KIF1B: variants seen among roughly 807,000 people sequenced by gnomAD.
The protein encoded by KIF1B is kinesin-like protein KIF1B.
In KIF1B, 76 loss-of-function variants were observed where a neutral mutation model predicts 241.9. The observed-to-expected ratio is 0.31, with a 90% CI of 0.26 to 0.38. The LOEUF (loss-of-function observed/expected upper bound fraction) is 0.38, where lower values mean the gene tolerates loss of function less well. Among genes scored for constraint, KIF1B ranks in the 10% least tolerant of loss-of-function variants. The pLI, the probability that KIF1B is intolerant of heterozygous loss-of-function variation, is 1.00. For synonymous variants in KIF1B, 750 were observed against 796.7 expected (o/e 0.94, Z 0.99); for missense variants, 1,622 against 2,271.4 (o/e 0.71, Z 5.81).
chr1:10,375,351 C>A lies in KIF1B; in HGVS notation c.5386C>A (p.Pro1796Thr). 2 of 1,613,580 alleles carry A rather than the reference C, an allele frequency of 1.2e-6. No homozygotes were observed. The highest frequency in any genetic ancestry group is 1.7e-6 in the Non-Finnish European group (2 of 1,179,638). ...DMNDWLYAFNPLLAGTIRSKL... is the reference protein window; with the variant it reads ...DMNDWLYAFNTLLAGTIRSKL... ...GAACGACTGGTTGTATGCCTTCAACCCACTTCTAGCTGGCACAATACGGTA... is the reference window on the plus strand; with the variant it reads ...GAACGACTGGTTGTATGCCTTCAACACACTTCTAGCTGGCACAATACGGTA... The change falls in exon 48 of 49, where the codon CCA (proline) becomes ACA (threonine). Residue 1796 changes from proline (P) to threonine (T), a missense_variant. Coordinates refer to ENST00000676179, the MANE Select transcript of KIF1B (RefSeq NM_001365951.3).
At chr1:10,307,144 G>A in intron 22 of KIF1B, 1 of 1,029,498 alleles carries the variant, frequency 9.7e-7, no homozygotes, top group Non-Finnish European at 1.2e-6. Flanking sequence ...ATTAACCAAG[G>A]TTTTATTGAC....
chr1:10,258,470 A>C, intron 3 of KIF1B, 23 bp from the exon 4 acceptor site: 1 of 1,609,610 alleles, frequency 6.2e-7, no homozygotes. Context: ...AAGGTTATTT[A>C]TTTCTCCTTT....
At position 10,376,536 on chromosome 1, in the gene KIF1B, C is replaced by T; in HGVS notation, c.5409-9C>T. 1.9e-6 allele frequency: 3 copies of T among 1,613,810 alleles called. No homozygotes were observed. On this transcript the variant is annotated splice_polypyrimidine_tract_variant and intron_variant, in intron 48 of 48. Coordinates refer to ENST00000676179, the MANE Select transcript of KIF1B (RefSeq NM_001365951.3). ...CTTCTAATCCTACCTCCCCGTTTGT[C>T]CCCCATAGGTCAAAGCTTTCCCGCA...
chr1:10,300,168 C>T (rs1481977681), intron 22 of KIF1B, among the ~76,000 whole-genome samples: 2 of 150,824 alleles, frequency 1.3e-5, no homozygotes, highest in East Asian at 1.9e-4. Flanking sequence ...ACCTAGCAGG[C>T]GGAGGTTGCA....
At chr1:10,253,870 G>T (rs1005870706) in intron 2 of KIF1B, among the ~76,000 whole-genome samples, 1 of 152,188 alleles carries the variant, frequency 6.6e-6, no homozygotes, top group African/African-American at 2.4e-5. Flanking sequence ...AGCATTTGAG[G>T]TTGGAACATA....
At chr1:10,240,382 A>G (rs1647119244) in intron 2 of KIF1B, among the ~76,000 whole-genome samples, 1 of 151,812 alleles carries the variant, frequency 6.6e-6, no homozygotes, top group Admixed American at 6.6e-5. Flanking sequence ...CTAATTTTGT[A>G]TGTTTAGTAG....
intron 1 of KIF1B, chr1:10,211,708 T>TG (rs1646695780): frequency 6.6e-6 from 1 of 152,072 alleles, no homozygotes; most frequent in African/African-American, 2.4e-5. Context: ...CCTTTTTTTT[T>TG]TTTTCCTTGA....
At position 10,380,462 on chromosome 1, in the gene KIF1B, T is replaced by C. The variant is rs559923660; in HGVS notation, c.*3875T>C. 2.2e-5 allele frequency: 4 copies of C among 184,330 alleles called. No homozygotes were observed. Among genetic ancestry groups the C allele is most frequent in the East Asian group, 1.8e-4 (2 of 11,308 alleles). 11.4% of individuals were successfully genotyped at this position (184,330 alleles called of 1,614,324 possible). A position where few individuals can be genotyped will look rare whatever the true frequency, so the allele number is the denominator to read the frequency against. Reference sequence around the variant, plus strand: ...GGCTCACGCCTGTAATCCCAGCACATTGGGAGGCCAAGGCAGGTGGATCAC... The same window carrying C: ...GGCTCACGCCTGTAATCCCAGCACACTGGGAGGCCAAGGCAGGTGGATCAC... On this transcript the variant is annotated 3_prime_UTR_variant, in exon 49 of 49. Coordinates refer to ENST00000676179, the MANE Select transcript of KIF1B (RefSeq NM_001365951.3).
At chr1:10,223,767 A>G (rs954160171) in intron 1 of KIF1B, among the ~76,000 whole-genome samples, 4 of 152,118 alleles carry the variant, frequency 2.6e-5, no homozygotes, top group Non-Finnish European at 5.9e-5. Context: ...GATGGTCTTG[A>G]TGTCTTGACC....
intron 34 of KIF1B, 122 bp from the exon 35 acceptor site, chr1:10,345,723 T>C (rs991596255): frequency 3.7e-5 from 27 of 738,344 alleles, no homozygotes; most frequent in Middle Eastern, 2.3e-4. Flanking sequence ...TGCATTGAAA[T>C]CTTTCCTCTG....
At chr1:10,248,791 A>G (rs913659167) in intron 2 of KIF1B, among the ~76,000 whole-genome samples, 2 of 152,208 alleles carry the variant, frequency 1.3e-5, no homozygotes, top group Non-Finnish European at 2.9e-5. Flanking sequence ...CTGATAGGAT[A>G]CATCAGATGT....
intron 14 of KIF1B, among the ~76,000 whole-genome samples, chr1:10,280,748 T>C (rs1649369983): frequency 1.3e-5 from 2 of 152,228 alleles, no homozygotes; most frequent in African/African-American, 2.4e-5. Context: ...AGGTGCCTTC[T>C]TCTTTTTGCT....
chr1:10,227,514 T>C (rs1646925391), intron 1 of KIF1B, among the ~76,000 whole-genome samples: 1 of 152,230 alleles, frequency 6.6e-6, no homozygotes, highest in Non-Finnish European at 1.5e-5. Context: ...GATCTAAAGC[T>C]TGATTTTATT....
chr1:10,287,502 T>G (rs1649772471), intron 15 of KIF1B, among the ~76,000 whole-genome samples: 1 of 152,188 alleles, frequency 6.6e-6, no homozygotes, highest in African/African-American at 2.4e-5. Context: ...CCTGAAGTTG[T>G]GCTAATGTGA....
At chr1:10,341,996 G>T in intron 32 of KIF1B, 54 bp from the exon 33 acceptor site, 12 of 1,117,666 alleles carry the variant, frequency 1.1e-5, no homozygotes, top group South Asian at 3.7e-5. Context: ...AGTTCTGATT[G>T]AAGCAAAAAT....
At chr1:10,361,421 T>A (rs1638419147) in intron 39 of KIF1B, among the ~76,000 whole-genome samples, 1 of 152,198 alleles carries the variant, frequency 6.6e-6, no homozygotes, top group South Asian at 2.1e-4. Context: ...TGCCACTTAC[T>A]TCCTCTATGT....
chr1:10,374,441 C>T lies in KIF1B; in HGVS notation c.5072C>T (p.Pro1691Leu). 1 of 1,614,142 alleles carries T rather than the reference C, an allele frequency of 6.2e-7. No homozygotes were observed. Among genetic ancestry groups the T allele is most frequent in the Non-Finnish European group, 8.5e-7 (1 of 1,180,032 alleles). Residue 1691 changes from proline to leucine, a missense_variant, in exon 46 of 49, where the codon CCA becomes CTA. Physicochemically the swap from Pro to Leu is moderately conservative, Grantham distance 98. Transcript: ENST00000676179. This position sits in a 1 kb window ranked among gnomAD's most constrained non-coding sequence, Gnocchi z 4.3. ...AAAAACGAATTTCTCAATCTTGTTCCAGATATTGAAGAAATTAGACCAAGG... is the reference window on the plus strand; with the variant it reads ...AAAAACGAATTTCTCAATCTTGTTCTAGATATTGAAGAAATTAGACCAAGG... ...AGKNEFLNLV[P>L]DIEEIRPSSV...
Position 10,377,333 on chromosome 1 carries a change from G to A in KIF1B, c.*746G>A. The A allele has an allele frequency of 4.4e-6, 1 of 228,142 alleles. No homozygotes were observed. Among genetic ancestry groups the A allele is most frequent in the Non-Finnish European group, 8.7e-6 (1 of 114,654 alleles). 14.1% of individuals were successfully genotyped at this position (228,142 alleles called of 1,614,324 possible). A position where few individuals can be genotyped will look rare whatever the true frequency, so the allele number is the denominator to read the frequency against. Reference sequence around the variant, plus strand: ...TTTCAGTGGGCCTGGGACAGTGGCTGCTCTTGACTTTGTGTGAAGGGAAAT... The same window carrying A: ...TTTCAGTGGGCCTGGGACAGTGGCTACTCTTGACTTTGTGTGAAGGGAAAT... On this transcript the variant is annotated 3_prime_UTR_variant, in exon 49 of 49. Transcript: ENST00000676179.
At chr1:10,350,065 C>T (rs901845247) in intron 37 of KIF1B, among the ~76,000 whole-genome samples, 12 of 152,076 alleles carry the variant, frequency 7.9e-5, no homozygotes, top group African/African-American at 1.9e-4. Context: ...CTGAGATGGG[C>T]GGATCACAAG....
Sources: allele counts gnomAD v4.1 joint callset (sites outside exome capture counted in the v4.1 genomes callset), GRCh38; gene constraint gnomAD v4.1.1; non-coding constraint Gnocchi (gnomAD v3.1); transcripts MANE v1.5; gene names NCBI Gene and HGNC (gene_info 2026-07-23, HGNC 2026-07-21).